The following ZFHX3 variants were observed in gnomAD, a reference collection of about 807,000 sequenced individuals.
The protein encoded by ZFHX3 is zinc finger homeobox protein 3.
In ZFHX3, 42 loss-of-function variants were observed where a neutral mutation model predicts 279.1. The ratio of observed to expected loss-of-function variants is 0.15; its 90% CI spans 0.12 to 0.19. The LOEUF is 0.19. Ranked by LOEUF, ZFHX3 falls within the 10% of genes least tolerant of loss-of-function variation. ZFHX3 has a pLI of 1.00. For missense variants in ZFHX3, 4,981 were observed against 4,754.0 expected (o/e 1.05, Z -1.40); for synonymous variants, 2,293 against 1,957.8 (o/e 1.17, Z -4.52).
chr16:72,934,488 T>C (rs142833609), intron 3 of ZFHX3, among the ~76,000 whole-genome samples: 5 of 152,300 alleles, frequency 3.3e-5, no homozygotes, highest in African/African-American at 1.2e-4. Context: ...ATTAAAATTA[T>C]TTTAGTACCA....
chr16:73,716,659 G>T, intron 1 of ZFHX3, among the ~76,000 whole-genome samples: 1 of 140,358 alleles, frequency 7.1e-6, no homozygotes, highest in African/African-American at 2.9e-5. Context: ...ACGCATGCAC[G>T]CACGCACAGA....
At chr16:72,928,532 C>T (rs1406515085) in intron 3 of ZFHX3, among the ~76,000 whole-genome samples, 1 of 152,052 alleles carries the variant, frequency 6.6e-6, no homozygotes, top group Non-Finnish European at 1.5e-5. Context: ...TATGATAGGC[C>T]CCCAAACTCT....
At chr16:73,787,045 C>A (rs1959670644) in intron 1 of ZFHX3, among the ~76,000 whole-genome samples, 1 of 152,158 alleles carries the variant, frequency 6.6e-6, no homozygotes, top group South Asian at 2.1e-4. Context: ...GCCATAATTT[C>A]CTTTTCTATG....
chr16:73,154,411 C>T (rs1055609098), intron 5 of ZFHX3, among the ~76,000 whole-genome samples: 5 of 152,208 alleles, frequency 3.3e-5, no homozygotes, highest in South Asian at 4.1e-4. Flanking sequence ...TGGGCACAGG[C>T]GGCCACTGGA....
chr16:72,969,993 C>T (rs1350811479), intron 1 of ZFHX3, among the ~76,000 whole-genome samples: 1 of 152,206 alleles, frequency 6.6e-6, no homozygotes. Flanking sequence ...AGGCCGTGGG[C>T]CTCCATGTTT....
At chr16:72,942,903 G>A (rs1420874123) in intron 3 of ZFHX3, among the ~76,000 whole-genome samples, 2 of 152,198 alleles carry the variant, frequency 1.3e-5, no homozygotes, top group African/African-American at 4.8e-5. Flanking sequence ...ACATGCCAGA[G>A]AGAAATAGGA....
In ZFHX3 at chr16:72,793,435, G is replaced by A. The variant is rs769133893; in HGVS notation, c.9247C>T (p.Arg3083Trp). The A allele has an allele frequency of 1.5e-5, 25 of 1,614,056 alleles. No homozygotes were observed. The highest frequency in any genetic ancestry group is 2.0e-5 in the Non-Finnish European group (24 of 1,180,046). ...RQLMAQQELD[R>W]IKKANEVLGL... is the part of the protein sequence containing the mutation. ...AGGACCTCGTTGGCCTTTTTAATCC[G>A]GTCCAACTCTTGTTGAGCCATCAAC... The change falls in exon 9 of 10, where the codon CGG (arginine) becomes TGG (tryptophan). Residue 3083 changes from arginine to tryptophan, a missense_variant. By Grantham distance (101) the Arg-to-Trp change is moderately radical (BLOSUM62 -3). Transcript: ENST00000268489. This position sits in a 1 kb window ranked among gnomAD's most constrained non-coding sequence, Gnocchi z 4.3.
At chr16:72,961,725 G>A (rs1409311420) in intron 1 of ZFHX3, among the ~76,000 whole-genome samples, 7 of 152,084 alleles carry the variant, frequency 4.6e-5, no homozygotes, top group Non-Finnish European at 8.8e-5. Context: ...AGAAGTCTCA[G>A]GGAGAAATAA....
At chr16:73,280,203 T>A (rs1208161926) in intron 4 of ZFHX3, among the ~76,000 whole-genome samples, 2 of 152,156 alleles carry the variant, frequency 1.3e-5, no homozygotes, top group Non-Finnish European at 2.9e-5. Context: ...TCCTTGATAT[T>A]GGATGTAACA....
chr16:73,724,686 T>C (rs2053503705), intron 1 of ZFHX3, among the ~76,000 whole-genome samples: 1 of 152,230 alleles, frequency 6.6e-6, no homozygotes, highest in Admixed American at 6.5e-5. Context: ...CAAATTCCTC[T>C]GCCTAGCAAC....
chr16:72,999,253 G>C (rs369572235), intron 1 of ZFHX3, among the ~76,000 whole-genome samples: 54 of 152,232 alleles, frequency 3.5e-4, no homozygotes, highest in African/African-American at 1.3e-3. Context: ...AGGTTCCCAG[G>C]TTCAAGCAAT....
At chr16:73,567,449 C>T (rs2020467449) in intron 2 of ZFHX3, among the ~76,000 whole-genome samples, 1 of 152,228 alleles carries the variant, frequency 6.6e-6, no homozygotes, top group Non-Finnish European at 1.5e-5. Context: ...AAGAGCTCCT[C>T]ATCTCCCTTA....
chr16:73,669,702 T>C (rs1024042105), intron 2 of ZFHX3, among the ~76,000 whole-genome samples: 29 of 152,338 alleles, frequency 1.9e-4, no homozygotes, highest in African/African-American at 6.7e-4. Context: ...TCACTAGCTC[T>C]AGGATGTACA....
At position 72,794,303 on chromosome 16, in the gene ZFHX3, T is replaced by G. The variant is rs2143397615; in HGVS notation, c.8379A>C (p.Glu2793Asp). The change falls in exon 9 of 10, where the codon GAA becomes GAC. Residue 2793 changes from glutamate (E) to aspartate (D), a missense_variant. By Grantham distance (45) the Glu-to-Asp change is conservative. Around this residue, in one of 7 missense-constraint regions of ZFHX3, gnomAD observed 744 missense variants for 701.3 expected, o/e 1.06. Transcript: ENST00000268489. The surrounding 1 kb of genome is among the most constrained non-coding windows in gnomAD (Gnocchi z 4.2). ...VPLSPVSKTM[E>D]LSPRTLLSPS... is the part of the protein sequence containing the mutation. ...GGCTTAGAAGAGTTCTGGGTGACAA[T>G]TCCATGGTTTTACTCACAGGTGAGA... is the stretch of plus-strand genomic sequence containing the variant. 1 of 1,610,300 alleles carries G rather than the reference T, an allele frequency of 6.2e-7. No individual in the cohort carries two copies. The highest frequency in any genetic ancestry group is 1.1e-5 in the South Asian group (1 of 90,472).
intron 3 of ZFHX3, among the ~76,000 whole-genome samples, chr16:73,417,891 A>G (rs1409714490): frequency 6.9e-6 from 1 of 143,934 alleles, no homozygotes; most frequent in Non-Finnish European, 1.5e-5. Flanking sequence ...CGGGAGGCTG[A>G]GGCATGAGAA....
At chr16:73,381,206 C>T (rs1431868688) in intron 3 of ZFHX3, among the ~76,000 whole-genome samples, 1 of 152,156 alleles carries the variant, frequency 6.6e-6, no homozygotes, top group East Asian at 1.9e-4. Context: ...GATAGAAAGA[C>T]TTAATATTGT....
intron 1 of ZFHX3, among the ~76,000 whole-genome samples, chr16:73,708,083 G>GA (rs1430863834): frequency 2.0e-5 from 3 of 150,998 alleles, no homozygotes; most frequent in South Asian, 4.2e-4. Context: ...GTGTGGTGGG[G>GA]GGGGGAAGTA....
At chr16:73,729,909 G>A (rs1166276379) in intron 1 of ZFHX3, among the ~76,000 whole-genome samples, 1 of 152,156 alleles carries the variant, frequency 6.6e-6, no homozygotes, top group Non-Finnish European at 1.5e-5. Context: ...TTAAGTTAGT[G>A]TAAAAAATAT....
intron 5 of ZFHX3, among the ~76,000 whole-genome samples, chr16:73,168,832 G>A (rs1967455488): frequency 6.6e-6 from 1 of 152,138 alleles, no homozygotes; most frequent in South Asian, 2.1e-4. Context: ...TTACACCTCT[G>A]CTCCCTTTCA....
Sources: gnomAD v4.1 joint callset for allele counts (sites outside exome capture counted in the v4.1 genomes callset) on GRCh38, gnomAD v4.1.1 for gene constraint, gnomAD v4.1.1 regional missense constraint, Gnocchi (gnomAD v3.1) non-coding constraint, MANE v1.5 for transcripts, NCBI Gene and HGNC (gene_info 2026-07-23, HGNC 2026-07-21) for gene names.